Variants in NPAS3 observed in about 807,000 individuals in gnomAD.
NPAS3 encodes neuronal PAS domain-containing protein 3.
NPAS3 carries 14 observed loss-of-function variants against 73.1 expected under a neutral mutation model. The ratio of observed to expected loss-of-function variants is 0.19; its 90% CI spans 0.13 to 0.30. NPAS3 has a LOEUF of 0.30. Ranked by LOEUF, NPAS3 falls within the 10% of genes least tolerant of loss-of-function variation. The pLI, the probability that NPAS3 is intolerant of heterozygous loss-of-function variation, is 1.00. For synonymous variants in NPAS3, 620 were observed against 541.5 expected (o/e 1.14, Z -2.01); for missense variants, 1,096 against 1,250.0 (o/e 0.88, Z 1.86).
intron 3 of NPAS3, among the ~76,000 whole-genome samples, chr14:33,301,887 A>G (rs12890907): frequency 0.23 from 34,542 of 152,068 alleles, 3,982 homozygotes; most frequent in Middle Eastern, 0.27. Context: ...ACTTCCTTAT[A>G]ACTCTACAAA....
chr14:33,677,459 T>G (rs986473383), intron 6 of NPAS3, among the ~76,000 whole-genome samples: 1 of 152,236 alleles, frequency 6.6e-6, no homozygotes, highest in Non-Finnish European at 1.5e-5. Flanking sequence ...CTTTACTTGA[T>G]CTGTTGTTTT....
At chr14:33,353,501 A>G (rs905863872) in intron 3 of NPAS3, among the ~76,000 whole-genome samples, 1 of 152,240 alleles carries the variant, frequency 6.6e-6, no homozygotes, top group African/African-American at 2.4e-5. Flanking sequence ...CTTGGAGCCA[A>G]TTGGACCAGG....
At chr14:33,523,623 TA>T (rs1197043618) in intron 4 of NPAS3, among the ~76,000 whole-genome samples, 1 of 150,422 alleles carries the variant, frequency 6.6e-6, no homozygotes, top group Admixed American at 6.6e-5. Context: ...AGATAAAAAT[TA>T]AAAAAAATAG....
At chr14:33,592,724 A>G (rs1274013105) in intron 5 of NPAS3, among the ~76,000 whole-genome samples, 1 of 152,238 alleles carries the variant, frequency 6.6e-6, no homozygotes, top group Admixed American at 6.5e-5. Flanking sequence ...TGCGAAGCAA[A>G]GGAATATTGT....
At chr14:33,570,265 T>C (rs80297146) in intron 5 of NPAS3, among the ~76,000 whole-genome samples, 2 of 152,200 alleles carry the variant, frequency 1.3e-5, no homozygotes, top group African/African-American at 4.8e-5. Context: ...TTAGCCTTGG[T>C]TGCCAAGTGC....
At position 33,724,443 on chromosome 14, in the gene NPAS3, G is replaced by A. The variant is rs571663456; in HGVS notation, c.734-10771G>A. 5.9e-5 allele frequency among the ~76,000 whole-genome samples: 9 copies of A among 152,242 alleles called. No individual in the cohort carries two copies. The South Asian group carries it at 8.3e-4, about 14-fold the overall frequency. ...GAGCCCAGGAGTTCAAGACCAGCTT[G>A]GGCAACATGGTGAAACCCTGTTTCC... On this transcript the variant is annotated intron_variant, in intron 6 of 11. Transcript: ENST00000356141.
At chr14:33,080,752 G>A (rs1004313626) in intron 2 of NPAS3, among the ~76,000 whole-genome samples, 1 of 152,226 alleles carries the variant, frequency 6.6e-6, no homozygotes, top group African/African-American at 2.4e-5. Context: ...TGAAGTGTGA[G>A]TGACATCACA....
intron 2 of NPAS3, among the ~76,000 whole-genome samples, chr14:33,109,387 A>T (rs1293738006): frequency 6.6e-6 from 1 of 152,104 alleles, no homozygotes; most frequent in African/African-American, 2.4e-5. Flanking sequence ...TGTTATGTGT[A>T]TAACCCTAGC....
chr14:33,026,177 CA>C (rs1468013761), intron 1 of NPAS3, among the ~76,000 whole-genome samples: 1 of 152,114 alleles, frequency 6.6e-6, no homozygotes, highest in Non-Finnish European at 1.5e-5. Context: ...TTATTCCATG[CA>C]AAAACATAGC....
intron 3 of NPAS3, among the ~76,000 whole-genome samples, chr14:33,358,193 G>A (rs144403861): frequency 1.7e-3 from 261 of 152,314 alleles, no homozygotes; most frequent in Admixed American, 0.013. Flanking sequence ...CAGATGCTGC[G>A]ATGCAGGTGT....
intron 2 of NPAS3, among the ~76,000 whole-genome samples, chr14:33,113,483 T>TATA (rs1196218808): frequency 6.6e-6 from 1 of 152,178 alleles, no homozygotes; most frequent in Non-Finnish European, 1.5e-5. Context: ...GTTATTAGTG[T>TATA]ATAAGAATGC....
chr14:33,657,286 G>A (rs2059170816), intron 5 of NPAS3, among the ~76,000 whole-genome samples: 1 of 152,166 alleles, frequency 6.6e-6, no homozygotes, highest in East Asian at 1.9e-4. Context: ...GGGTCCCAGA[G>A]AGGAGAGAGG....
At chr14:33,371,401 AGAGT>A (rs1399866282) in intron 4 of NPAS3, among the ~76,000 whole-genome samples, 1 of 152,148 alleles carries the variant, frequency 6.6e-6, no homozygotes, top group African/African-American at 2.4e-5. Flanking sequence ...TCATGTAGTG[AGAGT>A]ATGTTTATAT....
intron 2 of NPAS3, among the ~76,000 whole-genome samples, chr14:33,163,906 T>G: frequency 6.6e-6 from 1 of 152,134 alleles, no homozygotes; most frequent in East Asian, 1.9e-4. Context: ...ACTGACAGTG[T>G]AAAGAAAAAA....
intron 5 of NPAS3, among the ~76,000 whole-genome samples, chr14:33,648,956 C>A (rs1195569401): frequency 6.6e-6 from 1 of 152,168 alleles, no homozygotes; most frequent in Admixed American, 6.5e-5. Context: ...GGGTCCTTGC[C>A]TTGCAGTTTT....
intron 5 of NPAS3, among the ~76,000 whole-genome samples, chr14:33,567,496 A>C (rs1403470366): frequency 6.6e-6 from 1 of 152,216 alleles, no homozygotes; most frequent in Non-Finnish European, 1.5e-5. Flanking sequence ...CTGTTTGTGC[A>C]ATGGAGCACA....
chr14:32,996,025 G>A (rs967543507), intron 1 of NPAS3, among the ~76,000 whole-genome samples: 1 of 152,192 alleles, frequency 6.6e-6, no homozygotes, highest in African/African-American at 2.4e-5. Context: ...TTGATCAAAA[G>A]CCTGATAGCA....
intron 2 of NPAS3, among the ~76,000 whole-genome samples, chr14:33,059,279 AT>A (rs1410034344): frequency 2.6e-5 from 4 of 152,226 alleles, no homozygotes; most frequent in Non-Finnish European, 5.9e-5. Flanking sequence ...ATTGGTAATT[AT>A]TTAAATGATT....
chr14:33,195,450 T>C (rs2046318620), intron 2 of NPAS3, among the ~76,000 whole-genome samples: 1 of 152,096 alleles, frequency 6.6e-6, no homozygotes, highest in African/African-American at 2.4e-5. Flanking sequence ...TTTGTATTTT[T>C]AGTAGAGACA....
Sources: allele counts gnomAD v4.1 joint callset (sites outside exome capture counted in the v4.1 genomes callset), GRCh38; gene constraint gnomAD v4.1.1; transcripts MANE v1.5; gene names NCBI Gene and HGNC (gene_info 2026-07-23, HGNC 2026-07-21).